Variants in CXXC5 observed in about 807,000 individuals in gnomAD.
The protein encoded by CXXC5 is CXXC finger protein 5.
CXXC5 carries 2 observed loss-of-function variants against 17.6 expected under a neutral mutation model. The observed-to-expected ratio is 0.11, with a 90% CI of 0.05 to 0.36. The LOEUF is 0.36. Among genes scored for constraint, CXXC5 ranks in the 10% least tolerant of loss-of-function variants. The pLI is 1.00. For missense variants in CXXC5, 343 were observed against 458.3 expected (o/e 0.75, Z 2.30); for synonymous variants, 171 against 193.0 (o/e 0.89, Z 0.94).
chr5:139,682,223 T>C (rs1757275299), intron 2 of CXXC5, among the ~76,000 whole-genome samples: 1 of 152,194 alleles, frequency 6.6e-6, no homozygotes, highest in African/African-American at 2.4e-5. Flanking sequence ...TCCCTGCCCT[T>C]GTCCCCGCCC....
At position 139,663,231 on chromosome 5, in the gene CXXC5, C is replaced by G. The variant is rs1444484824; in HGVS notation, c.-161+14386C>G. The stretch of plus-strand genomic sequence containing the variant: ...TATCAGAGGGAGCAGAGAGAGCCGA[C>G]TGTAGTTTCAAGGCTTTCTCTGTCT... On this transcript the variant is annotated intron_variant, in intron 1 of 2. Coordinates refer to ENST00000302517, the MANE Select transcript of CXXC5 (RefSeq NM_016463.9). This position sits in a 1 kb window ranked among gnomAD's most constrained non-coding sequence, Gnocchi z 4.2. Among the ~76,000 whole-genome samples the G allele has an allele frequency of 1.1e-4, 16 of 152,168 alleles. No homozygotes were observed. The highest frequency in any genetic ancestry group is 1.5e-5 in the Non-Finnish European group (1 of 68,024).
intron 1 of CXXC5, among the ~76,000 whole-genome samples, chr5:139,657,054 A>C (rs984730313): frequency 3.9e-5 from 6 of 152,202 alleles, no homozygotes; most frequent in African/African-American, 1.4e-4. Flanking sequence ...GATTGTAACA[A>C]AGCCAGTGGT....
At position 139,681,132 on chromosome 5, in the gene CXXC5, T is replaced by A; in HGVS notation, c.609T>A (p.Asn203Lys). 6.2e-7 allele frequency: 1 copy of A among 1,612,818 alleles called. No homozygotes were observed. The highest frequency in any genetic ancestry group is 8.5e-7 in the Non-Finnish European group (1 of 1,179,962). ...CTGTGGCAGGTGCCGAAGCCCTCAA[T>A]GGCCAGTCCGACTTCCCCTACCTGG... The part of the protein sequence containing the change: ...MEAVAGAEAL[N>K]GQSDFPYLGA... Residue 203 changes from asparagine to lysine, a missense_variant, in exon 2 of 3, where the codon AAT (asparagine) becomes AAA (lysine). Physicochemically the swap from Asn to Lys is moderately conservative, Grantham distance 94. Coordinates refer to ENST00000302517, the MANE Select transcript of CXXC5 (RefSeq NM_016463.9).
intron 1 of CXXC5, among the ~76,000 whole-genome samples, chr5:139,662,626 C>T (rs1581585584): frequency 6.6e-6 from 1 of 152,196 alleles, no homozygotes; most frequent in South Asian, 2.1e-4. Context: ...TGGGCTCCCT[C>T]CTCCTGGCCA....
chr5:139,673,885 C>G (rs910310837), intron 1 of CXXC5, among the ~76,000 whole-genome samples: 5 of 151,750 alleles, frequency 3.3e-5, no homozygotes, highest in Non-Finnish European at 7.4e-5. Context: ...TCTACATACT[C>G]CAGGTTTGCT....
At chr5:139,662,663 G>A (rs909105627) in intron 1 of CXXC5, among the ~76,000 whole-genome samples, 2 of 152,272 alleles carry the variant, frequency 1.3e-5, no homozygotes, top group Non-Finnish European at 2.9e-5. Context: ...CGACTGGACC[G>A]TGGTTGAGGA....
rs1228488332 is a variant in CXXC5, at chr5:139,683,556, C to G, written c.*649C>G. 6.6e-6 allele frequency: 1 copy of G among 152,390 alleles called. No homozygotes were observed. Among genetic ancestry groups the G allele is most frequent in the Non-Finnish European group, 1.5e-5 (1 of 68,036 alleles). The allele number at this position is 152,390 out of a possible 1,614,324, so 9.4% of individuals were successfully genotyped here. A position where few individuals can be genotyped will look rare whatever the true frequency, so the allele number is the denominator to read the frequency against. Reference sequence around the variant, plus strand: ...GCACCCACAGTCCCGAGACTGGGATCCCCCACCCCAACAGTGATTTTGGAA... The same window carrying G: ...GCACCCACAGTCCCGAGACTGGGATGCCCCACCCCAACAGTGATTTTGGAA... On this transcript the variant is annotated 3_prime_UTR_variant, in exon 3 of 3. Coordinates refer to ENST00000302517, the MANE Select transcript of CXXC5 (RefSeq NM_016463.9).
Position 139,682,874 on chromosome 5 carries a change from T to G in CXXC5, c.936T>G (p.Leu312=), listed in dbSNP as rs752813280. 7.5e-6 allele frequency: 12 copies of G among 1,595,362 alleles called. No homozygotes were observed. The East Asian group carries it at 2.8e-4, about 37-fold the overall frequency. The change falls in exon 3 of 3, where the codon CTT becomes CTG. Residue 312 remains leucine (L), a synonymous_variant. Coordinates refer to ENST00000302517, the MANE Select transcript of CXXC5 (RefSeq NM_016463.9). ...KPSAALEKVM[L]PTGAAFRWFQ is the part of the protein sequence containing the mutation. ...CCCGCCCCCGCCAGAAGGTGATGCT[T>G]CCGACGGGAGCCGCCTTCCGGTGGT... is the stretch of plus-strand genomic sequence containing the variant.
At chr5:139,647,944 G>C (rs756799182), upstream of CXXC5, 6 of 151,984 alleles carry the variant, frequency 3.9e-5, no homozygotes, top group Admixed American at 6.5e-5. Context: ...TCTCCCTCCC[G>C]GTCCTCGAAG....
chr5:139,659,708 A>AGTGGGG (rs1755679773), intron 1 of CXXC5: 2 of 152,046 alleles, frequency 1.3e-5, no homozygotes, highest in South Asian at 4.1e-4. Context: ...GTCCGGGGGC[A>AGTGGGG]GTGGGGGTGT....
rs922287436 is a variant in CXXC5 at position 139,658,130 on chromosome 5, C to T, written c.-161+9285C>T. The stretch of plus-strand genomic sequence containing the variant: ...CCCTCTCCTGCCTGACCCACCTCCC[C>T]CAGAACTAGATGGGAAATTAGTTAA... On this transcript the variant is annotated intron_variant, in intron 1 of 2. Coordinates refer to ENST00000302517, the MANE Select transcript of CXXC5 (RefSeq NM_016463.9). This position sits in a 1 kb window ranked among gnomAD's most constrained non-coding sequence, Gnocchi z 4.1. 2.0e-5 allele frequency among the ~76,000 whole-genome samples: 3 copies of T among 151,976 alleles called. No homozygotes were observed. Among genetic ancestry groups the T allele is most frequent in the Non-Finnish European group, 4.4e-5 (3 of 67,998 alleles).
Position 139,681,255 on chromosome 5 carries a change from C to T in CXXC5, c.732C>T (p.Pro244=), listed in dbSNP as rs1265935526. The change falls in exon 2 of 3, where the codon CCC becomes CCT. Residue 244 remains proline (P), a synonymous_variant. Transcript: ENST00000302517. ...ACATGGCGGGCCTGGCTGAGTACCC[C>T]ATGCAGGGAGAGCTGGCCTCTGCCA... is the stretch of plus-strand genomic sequence containing the variant. The part of the protein sequence containing the change: ...ALHMAGLAEY[P]MQGELASAIS... 3 of 1,612,242 alleles carry T rather than the reference C, an allele frequency of 1.9e-6. No individual in the cohort carries two copies. The highest frequency in any genetic ancestry group is 2.5e-6 in the Non-Finnish European group (3 of 1,179,608).
intron 1 of CXXC5, among the ~76,000 whole-genome samples, chr5:139,672,627 A>G (rs181029788): frequency 6.6e-6 from 1 of 152,268 alleles, no homozygotes; most frequent in African/African-American, 2.4e-5. Context: ...TGGAGGGTGG[A>G]GGGGATCGCT....
Position 139,681,020 on chromosome 5 carries a change from C to T in CXXC5, c.497C>T (p.Ala166Val), listed in dbSNP as rs1249800934. 6.8e-6 allele frequency: 11 copies of T among 1,607,286 alleles called. No homozygotes were observed. The highest frequency in any genetic ancestry group is 6.6e-5 in the South Asian group (6 of 91,078). Reference sequence around the variant, plus strand: ...GGACAGCTGACGCTGCAGCAGTTTGCGCAGTCCACAGAGATGCTGAAGCGC... The same window carrying T: ...GGACAGCTGACGCTGCAGCAGTTTGTGCAGTCCACAGAGATGCTGAAGCGC... ...AEGQLTLQQF[A>V]QSTEMLKRVV... is the part of the protein sequence containing the mutation. Residue 166 changes from alanine (A) to valine (V), a missense_variant, in exon 2 of 3, where the codon GCG becomes GTG. Physicochemically the swap from Ala to Val is moderately conservative, Grantham distance 64. Coordinates refer to ENST00000302517, the MANE Select transcript of CXXC5 (RefSeq NM_016463.9).
At position 139,681,076 on chromosome 5, in the gene CXXC5, G is replaced by A. The variant is rs370610029; in HGVS notation, c.553G>A (p.Glu185Lys). The A allele has an allele frequency of 2.5e-6, 4 of 1,612,612 alleles. No homozygotes were observed. Among genetic ancestry groups the A allele is most frequent in the Admixed American group, 3.3e-5 (2 of 60,030 alleles). ...GCAGGAGCATCTCCCGCTGATGAGC[G>A]AGGCGGGTGCTGGCCTGCCTGACAT... ...VVQEHLPLMS[E>K]AGAGLPDMEA... The change falls in exon 2 of 3, where the codon GAG becomes AAG. Residue 185 changes from glutamate (E) to lysine (K), a missense_variant. Glu to Lys is a moderately conservative substitution (Grantham distance 56, BLOSUM62 1). Transcript: ENST00000302517.
Position 139,658,090 on chromosome 5 carries a change from T to C in CXXC5, c.-161+9245T>C, listed in dbSNP as rs1755586902. On this transcript the variant is annotated intron_variant, in intron 1 of 2. Coordinates refer to ENST00000302517, the MANE Select transcript of CXXC5 (RefSeq NM_016463.9). The surrounding 1 kb of genome is among the most constrained non-coding windows in gnomAD (Gnocchi z 4.1). ...TCATGCCAGTTCCTGTTGACTCTGA[T>C]GGGAGAGACCCAGCCCCTCTCCTGC... Among the ~76,000 whole-genome samples, 1 of 152,178 alleles carries C rather than the reference T, an allele frequency of 6.6e-6. No homozygotes were observed. Among genetic ancestry groups the C allele is most frequent in the Admixed American group, 6.5e-5 (1 of 15,280 alleles).
At chr5:139,653,105 C>T (rs1755299246) in intron 1 of CXXC5, among the ~76,000 whole-genome samples, 1 of 152,036 alleles carries the variant, frequency 6.6e-6, no homozygotes, top group Non-Finnish European at 1.5e-5. Flanking sequence ...CTCTCACACC[C>T]AGTCCTTCCC....
Position 139,668,724 on chromosome 5 carries a change from T to C in CXXC5, c.-160-11640T>C, listed in dbSNP as rs1756274117. On this transcript the variant is annotated intron_variant, in intron 1 of 2. Coordinates refer to ENST00000302517, the MANE Select transcript of CXXC5 (RefSeq NM_016463.9). This position sits in a 1 kb window ranked among gnomAD's most constrained non-coding sequence, Gnocchi z 4.1. The stretch of plus-strand genomic sequence containing the variant: ...GCTCTCTTCAGTCTCGGGAGAGATA[T>C]GCTTATCCCAGGCGGAGCGGAGAAG... Among the ~76,000 whole-genome samples, 5 of 152,100 alleles carry C rather than the reference T, an allele frequency of 3.3e-5. No homozygotes were observed. The highest frequency in any genetic ancestry group is 1.3e-4 in the Admixed American group (2 of 15,276).
rs1757190707 is a variant in CXXC5 at position 139,681,061 on chromosome 5, C to T, written c.538C>T (p.Leu180Phe). Residue 180 changes from leucine (L) to phenylalanine (F), a missense_variant, in exon 2 of 3, where the codon CTC becomes TTC. Around this residue, in one of 4 missense-constraint regions of CXXC5, gnomAD observed 297 missense variants for 363.4 expected, o/e 0.82. Coordinates refer to ENST00000302517, the MANE Select transcript of CXXC5 (RefSeq NM_016463.9). ...GCTGAAGCGCGTGGTGCAGGAGCATCTCCCGCTGATGAGCGAGGCGGGTGC... is the reference window on the plus strand; with the variant it reads ...GCTGAAGCGCGTGGTGCAGGAGCATTTCCCGCTGATGAGCGAGGCGGGTGC... ...EMLKRVVQEH[L>F]PLMSEAGAGL... 2 of 1,612,110 alleles carry T rather than the reference C, an allele frequency of 1.2e-6. No homozygotes were observed. Among genetic ancestry groups the T allele is most frequent in the African/African-American group, 1.3e-5 (1 of 74,956 alleles).
Sources: gnomAD v4.1 joint callset for allele counts (sites outside exome capture counted in the v4.1 genomes callset) on GRCh38, gnomAD v4.1.1 for gene constraint, gnomAD v4.1.1 regional missense constraint, Gnocchi (gnomAD v3.1) non-coding constraint, MANE v1.5 for transcripts, NCBI Gene and HGNC (gene_info 2026-07-23, HGNC 2026-07-21) for gene names.